Variants in LAMA3 observed in about 807,000 individuals in gnomAD.
The protein encoded by LAMA3 is laminin subunit alpha-3.
A neutral mutation model predicts 402.0 loss-of-function variants in LAMA3; 281 were observed. That is an observed-to-expected ratio of 0.70 (90% confidence interval 0.63 to 0.77). LAMA3 has a LOEUF of 0.77. Among genes scored for constraint, LAMA3 ranks in the 30% least tolerant of loss-of-function variants. The pLI is 0.00. For synonymous variants in LAMA3, 1,431 were observed against 1,558.4 expected (o/e 0.92, Z 1.93); for missense variants, 3,840 against 4,215.5 (o/e 0.91, Z 2.47).
intron 24 of LAMA3, among the ~76,000 whole-genome samples, chr18:23,836,111 A>T (rs1205476822): frequency 1.1e-4 from 3 of 27,888 alleles, no homozygotes; most frequent in Admixed American, 3.0e-4. Flanking sequence ...ATGGATACAC[A>T]CACACACACA....
intron 2 of LAMA3, among the ~76,000 whole-genome samples, chr18:23,729,030 CAAAAA>C (rs10601046): frequency 2.2e-5 from 2 of 89,208 alleles, no homozygotes; most frequent in Non-Finnish European, 4.5e-5. Context: ...GACTCCGTCT[CAAAAA>C]AAAAAAAAAA....
chr18:23,842,202 TAAC>T (rs780072259), intron 27 of LAMA3, among the ~76,000 whole-genome samples, 190 bp from the exon 28 acceptor site: 37 of 152,196 alleles, frequency 2.4e-4, no homozygotes, highest in Admixed American at 9.8e-4. Flanking sequence ...GTTTTTGTGA[TAAC>T]AACAACAACA....
intron 42 of LAMA3, 122 bp downstream of exon 42, chr18:23,890,239 C>G: frequency 1.4e-6 from 1 of 732,088 alleles, no homozygotes; most frequent in Non-Finnish European, 2.5e-6. Flanking sequence ...CAAGCTGTCC[C>G]CAGGATGCAT....
chr18:23,940,417 T>A (rs1024864325), intron 68 of LAMA3, among the ~76,000 whole-genome samples: 2 of 152,228 alleles, frequency 1.3e-5, no homozygotes, highest in African/African-American at 4.8e-5. Flanking sequence ...GCAGCCCCAC[T>A]GTGCTCCCTG....
chr18:23,865,918 T>C (rs1052022140), intron 36 of LAMA3, among the ~76,000 whole-genome samples: 2 of 152,114 alleles, frequency 1.3e-5, no homozygotes, highest in African/African-American at 4.8e-5. Flanking sequence ...ATTTTTAGTC[T>C]GCCTCCCTGG....
rs886053672 is a variant in LAMA3, at chr18:23,905,509, G to T, written c.6616-13G>T. ...TAGCATTTGTTTAAGGCTGTTAAAT[G>T]CTTTGCTTTCAGACAGTGATAAAGG... On this transcript the variant is annotated splice_polypyrimidine_tract_variant and intron_variant, in intron 51 of 74. Transcript: ENST00000313654. The T allele has an allele frequency of 6.8e-7, 1 of 1,466,104 alleles. No homozygotes were observed. 90.8% of individuals were successfully genotyped at this position (1,466,104 alleles called of 1,614,324 possible). A position where few individuals can be genotyped will look rare whatever the true frequency, so the allele number is the denominator to read the frequency against.
intron 48 of LAMA3, 23 bp from the exon 49 acceptor site, chr18:23,902,986 C>T: frequency 7.1e-7 from 1 of 1,408,358 alleles, no homozygotes; most frequent in Non-Finnish European, 1.0e-6. Context: ...AGAGCTCAAG[C>T]AATTTTTTTT....
chr18:23,812,482 C>T (rs567041365), intron 13 of LAMA3, among the ~76,000 whole-genome samples: 1 of 152,212 alleles, frequency 6.6e-6, no homozygotes, highest in South Asian at 2.1e-4. Flanking sequence ...TTTGAAAAAC[C>T]AGACTCAGAA....
At chr18:23,864,463 A>G (rs953900118) in intron 35 of LAMA3, among the ~76,000 whole-genome samples, 12 of 152,132 alleles carry the variant, frequency 7.9e-5, no homozygotes, top group Admixed American at 5.9e-4. Flanking sequence ...CCTGACCTCA[A>G]GTGATCCTTC....
chr18:23,749,518 C>T lies in LAMA3; in HGVS notation c.656C>T (p.Ser219Phe). 6.2e-7 allele frequency: 1 copy of T among 1,608,250 alleles called. No homozygotes were observed. Among genetic ancestry groups the T allele is most frequent in the Non-Finnish European group, 8.5e-7 (1 of 1,174,788 alleles). ...GATGTACTTTGTGTTACTGAATATT[C>T]CCGTATTGTACCTTTGGAAAATGGT... is the stretch of plus-strand genomic sequence containing the variant. ...DDDVLCVTEY[S>F]RIVPLENGEV... The change falls in exon 4 of 75, where the codon TCC becomes TTC. Residue 219 changes from serine to phenylalanine, a missense_variant. This residue lies in a region of LAMA3 where 2,109 missense variants were observed against 2,376.0 expected (regional missense o/e 0.89). Coordinates refer to ENST00000313654, the MANE Select transcript of LAMA3 (RefSeq NM_198129.4).
At chr18:23,732,083 C>A (rs532576709) in intron 2 of LAMA3, among the ~76,000 whole-genome samples, 2 of 152,246 alleles carry the variant, frequency 1.3e-5, no homozygotes, top group South Asian at 4.1e-4. Flanking sequence ...GCTTCCCAAA[C>A]CTTAGTGTGC....
intron 62 of LAMA3, among the ~76,000 whole-genome samples, chr18:23,922,119 G>T (rs555216733): frequency 2.6e-5 from 4 of 152,192 alleles, no homozygotes; most frequent in African/African-American, 4.8e-5. Flanking sequence ...AATGTGAAAG[G>T]CAGTAAAGCT....
chr18:23,784,189 C>G, intron 12 of LAMA3, 32 bp downstream of exon 12: 1 of 1,612,940 alleles, frequency 6.2e-7, no homozygotes, highest in Middle Eastern at 1.7e-4. Flanking sequence ...TATTCATAAT[C>G]AATCCCTCAA....
chr18:23,946,006 A>G (rs2082696099), intron 69 of LAMA3, 138 bp from the exon 70 acceptor site: 1 of 843,264 alleles, frequency 1.2e-6, no homozygotes, highest in Non-Finnish European at 2.0e-6. Flanking sequence ...TAACCGGAGG[A>G]AAAAATCTCT....
At position 23,713,941 on chromosome 18, in the gene LAMA3, A is replaced by G; in HGVS notation, c.316A>G (p.Asn106Asp). Residue 106 changes from asparagine to aspartate, a missense_variant, in exon 2 of 75, where the codon AAT becomes GAT. By Grantham distance (23) the Asn-to-Asp change is conservative. Around this residue, in one of 3 missense-constraint regions of LAMA3, gnomAD observed 2,109 missense variants for 2,376.0 expected, o/e 0.89. Transcript: ENST00000313654. ...TIQGQFCDYC[N>D]SEDPRKAHPV... ...TCAGGGCCAGTTCTGTGACTATTGC[A>G]ATTCTGAAGACCCCAGGAAAGCACA... 1 of 1,613,946 alleles carries G rather than the reference A, an allele frequency of 6.2e-7. No individual in the cohort carries two copies. Among genetic ancestry groups the G allele is most frequent in the African/African-American group, 1.3e-5 (1 of 74,968 alleles).
chr18:23,826,662 A>G (rs1478376997), intron 21 of LAMA3, 40 bp from the exon 22 acceptor site: 8 of 1,386,600 alleles, frequency 5.8e-6, no homozygotes, highest in Middle Eastern at 1.8e-4. Flanking sequence ...TAGGGCTACC[A>G]TCAAAATGAA....
rs1033551132 is a variant in LAMA3, at chr18:23,879,539, C to T, written c.5113-2397C>T. ...ACCCCGAGTCGAGGGACCAACCCTT[C>T]TTTACATCGCTAGAGCCTAGCATAG... is the stretch of plus-strand genomic sequence containing the variant. On this transcript the variant is annotated intron_variant, in intron 39 of 74. Transcript: ENST00000313654. This position sits in a 1 kb window ranked among gnomAD's most constrained non-coding sequence, Gnocchi z 4.2. 1.2e-4 allele frequency among the ~76,000 whole-genome samples: 18 copies of T among 152,226 alleles called. No homozygotes were observed. The highest frequency in any genetic ancestry group is 4.1e-4 in the African/African-American group (17 of 41,462).
intron 70 of LAMA3, among the ~76,000 whole-genome samples, chr18:23,948,655 C>T (rs1474642185): frequency 2.0e-5 from 3 of 151,866 alleles, no homozygotes; most frequent in African/African-American, 7.3e-5. Context: ...CTGCAACCTC[C>T]GCCTCCTGAG....
At chr18:23,772,410 A>C (rs763512419) in intron 8 of LAMA3, among the ~76,000 whole-genome samples, 8 of 152,170 alleles carry the variant, frequency 5.3e-5, no homozygotes, top group Non-Finnish European at 1.2e-4. Flanking sequence ...CAGTCTAGTT[A>C]ACCTGATGTC....
Sources: gnomAD v4.1 joint callset for allele counts (sites outside exome capture counted in the v4.1 genomes callset) on GRCh38, gnomAD v4.1.1 for gene constraint, gnomAD v4.1.1 regional missense constraint, Gnocchi (gnomAD v3.1) non-coding constraint, MANE v1.5 for transcripts, NCBI Gene and HGNC (gene_info 2026-07-23, HGNC 2026-07-21) for gene names.